CAPN13: variants seen among roughly 807,000 people sequenced by gnomAD.
CAPN13 encodes calpain-13.
CAPN13 carries 90 observed loss-of-function variants against 98.4 expected under a neutral mutation model. That is an observed-to-expected ratio of 0.92 (90% CI 0.77 to 1.09). CAPN13 has a LOEUF of 1.09. Among genes scored for constraint, CAPN13 ranks in the 50% least tolerant of loss-of-function variants. The pLI, the probability that CAPN13 is intolerant of heterozygous loss-of-function variation, is 0.00. For synonymous variants in CAPN13, 330 were observed against 305.5 expected (o/e 1.08, Z -0.84); for missense variants, 887 against 841.3 (o/e 1.05, Z -0.67).
At chr2:30,799,439 G>A (rs941001375) in intron 1 of CAPN13, among the ~76,000 whole-genome samples, 2 of 152,178 alleles carry the variant, frequency 1.3e-5, no homozygotes, top group African/African-American at 4.8e-5. Context: ...ACCATGGTGG[G>A]ATTAGTGGCC....
intron 4 of CAPN13, among the ~76,000 whole-genome samples, chr2:30,774,586 G>A (rs750125203): frequency 1.3e-5 from 2 of 152,052 alleles, no homozygotes; most frequent in South Asian, 2.1e-4. Flanking sequence ...TTTTCTAGTC[G>A]AGTATAAATT....
chr2:30,765,405 C>T (rs761146394), intron 5 of CAPN13, among the ~76,000 whole-genome samples: 29 of 152,182 alleles, frequency 1.9e-4, no homozygotes, highest in Non-Finnish European at 4.1e-4. Flanking sequence ...CGTTCCTGTC[C>T]CCGGTGAGCA....
chr2:30,759,143 T>C, intron 7 of CAPN13, among the ~76,000 whole-genome samples: 2 of 50,010 alleles, frequency 4.0e-5, no homozygotes, highest in Non-Finnish European at 4.1e-5. Context: ...TCCTCCCTCT[T>C]CCCCTTCCTT....
chr2:30,738,740 G>T (rs891495714), intron 15 of CAPN13, among the ~76,000 whole-genome samples: 5 of 152,148 alleles, frequency 3.3e-5, no homozygotes, highest in African/African-American at 1.2e-4. Flanking sequence ...TTTAGTCCTT[G>T]CCACTATCTC....
rs60572949 is a variant in CAPN13, at chr2:30,802,463, ATGTG to A, written c.-33+4835_-33+4838del. Among the ~76,000 whole-genome samples, 1,398 of 140,162 alleles carry A rather than the reference ATGTG, an allele frequency of 1.0e-2. 9 individuals carry two copies. The highest frequency in any genetic ancestry group is 0.028 in the African/African-American group (1,071 of 37,790). The allele number at this position is 140,162 out of a possible 152,430, so 92.0% of individuals were successfully genotyped here. ...AGGAGCTTAGAATGTGTGTGTGTGT[ATGTG>A]TGTGTGTGTGTGTGTGTGTGTAAAT... On this transcript the variant is annotated intron_variant, in intron 1 of 22. Coordinates refer to ENST00000295055, the MANE Select transcript of CAPN13 (RefSeq NM_144575.3).
rs1210819237 is a variant in CAPN13 at position 30,751,257 on chromosome 2, T to A, written c.1088-6A>T. 2 of 1,613,636 alleles carry A rather than the reference T, an allele frequency of 1.2e-6. No homozygotes were observed. Among genetic ancestry groups the A allele is most frequent in the African/African-American group, 1.3e-5 (1 of 75,010 alleles). On this transcript the variant is annotated splice_polypyrimidine_tract_variant and splice_region_variant and intron_variant, in intron 10 of 22. Coordinates refer to ENST00000295055, the MANE Select transcript of CAPN13 (RefSeq NM_144575.3). ...AGCATCATTCCGAGGTCCTCCTGCA[T>A]CAGAAAGAGCTGTTACTAGAGCTCA...
intron 4 of CAPN13, 70 bp downstream of exon 4, chr2:30,775,860 T>G (rs1673659647): frequency 8.9e-7 from 1 of 1,126,744 alleles, no homozygotes; most frequent in Non-Finnish European, 1.2e-6. Flanking sequence ...CGAGAAAACT[T>G]AAGACTTTCA....
At position 30,732,576 on chromosome 2, in the gene CAPN13, C is replaced by G; in HGVS notation, c.1799-10G>C. ...ATCCCTCTGAGGAAGTCTGGGGCCACAGGTGAACGAGTGAGTGAGAGGAGG... is the reference window on the plus strand; with the variant it reads ...ATCCCTCTGAGGAAGTCTGGGGCCAGAGGTGAACGAGTGAGTGAGAGGAGG... On this transcript the variant is annotated splice_polypyrimidine_tract_variant and intron_variant, in intron 19 of 22. Transcript: ENST00000295055. The G allele has an allele frequency of 6.2e-7, 1 of 1,603,982 alleles. No individual in the cohort carries two copies. The highest frequency in any genetic ancestry group is 1.3e-5 in the African/African-American group (1 of 74,920).
intron 7 of CAPN13, among the ~76,000 whole-genome samples, chr2:30,760,988 A>G (rs1672823435): frequency 6.6e-6 from 1 of 152,248 alleles, no homozygotes; most frequent in African/African-American, 2.4e-5. Context: ...TGCCAGTTCC[A>G]CTGGCCATTA....
intron 1 of CAPN13, among the ~76,000 whole-genome samples, chr2:30,787,575 G>C (rs934187410): frequency 2.0e-5 from 3 of 152,178 alleles, no homozygotes; most frequent in African/African-American, 7.2e-5. Flanking sequence ...CAGCTTTCCC[G>C]TGTGCTTTCA....
chr2:30,778,184 G>A (rs1257089687), intron 2 of CAPN13, among the ~76,000 whole-genome samples: 3 of 152,120 alleles, frequency 2.0e-5, no homozygotes, highest in East Asian at 1.9e-4. Context: ...CTCACAGACC[G>A]GGTCTGGAAG....
rs775558641 is a variant in CAPN13 at position 30,731,523 on chromosome 2, C to T, written c.1928-124G>A. ...TTCTGTAAAGCAGCCCCTCCTGCTC[C>T]GCGGGGTGTGCCTGTCACCCATCCT... On this transcript the variant is annotated intron_variant, in intron 20 of 22. Transcript: ENST00000295055. 3.1e-4 allele frequency: 232 copies of T among 755,416 alleles called. 1 individual carries two copies. The highest frequency in any genetic ancestry group is 2.0e-3 in the Admixed American group (63 of 31,236). The allele number at this position is 755,416 out of a possible 1,614,324, so 46.8% of individuals were successfully genotyped here. A position where few individuals can be genotyped will look rare whatever the true frequency, so the allele number is the denominator to read the frequency against.
intron 7 of CAPN13, among the ~76,000 whole-genome samples, chr2:30,760,364 A>G (rs145961962): frequency 1.4e-4 from 21 of 152,300 alleles, no homozygotes; most frequent in African/African-American, 4.1e-4. Flanking sequence ...GACACAAGCA[A>G]TGGTCACTTG....
chr2:30,742,300 C>G (rs746789453), intron 14 of CAPN13, 26 bp downstream of exon 14: 3 of 1,595,468 alleles, frequency 1.9e-6, no homozygotes, highest in Non-Finnish European at 2.6e-6. Flanking sequence ...ATGAGGCTCG[C>G]CAGCCAAACC....
intron 19 of CAPN13, 81 bp downstream of exon 19, chr2:30,734,368 T>A (rs1299411277): frequency 9.3e-7 from 1 of 1,075,168 alleles, no homozygotes; most frequent in Non-Finnish European, 1.4e-6. Flanking sequence ...GGCACTGTTG[T>A]GCCAGCCTTG....
chr2:30,727,826 A>C (rs1670912435), intron 22 of CAPN13, among the ~76,000 whole-genome samples: 2 of 152,288 alleles, frequency 1.3e-5, no homozygotes, highest in Admixed American at 1.3e-4. Context: ...TTGAAATAAA[A>C]ACATATGTCC....
At position 30,770,310 on chromosome 2, in the gene CAPN13, T is replaced by TA; in HGVS notation, c.524+2dup. ...GGCTGATGGGTGGCGGGGTTGTACT[T>TA]ACTTGGCATAGGCCTTCTCCAGCAG... On this transcript the variant is annotated splice_region_variant and intron_variant, in intron 5 of 22. Transcript: ENST00000295055. 6.2e-7 allele frequency: 1 copy of TA among 1,613,526 alleles called. No individual in the cohort carries two copies. Among genetic ancestry groups the TA allele is most frequent in the Non-Finnish European group, 8.5e-7 (1 of 1,179,616 alleles).
intron 2 of CAPN13, among the ~76,000 whole-genome samples, chr2:30,784,751 T>C (rs1395971168): frequency 6.6e-6 from 1 of 152,208 alleles, no homozygotes; most frequent in African/African-American, 2.4e-5. Flanking sequence ...TCTAACTATA[T>C]GACTTTGGGC....
rs566170644 is a variant in CAPN13 at position 30,739,346 on chromosome 2, C to A, written c.1537-889G>T. 2.0e-5 allele frequency among the ~76,000 whole-genome samples: 3 copies of A among 152,134 alleles called. No individual in the cohort carries two copies. The South Asian group carries it at 6.2e-4, about 32-fold the overall frequency. On this transcript the variant is annotated intron_variant, in intron 15 of 22. Transcript: ENST00000295055. The stretch of plus-strand genomic sequence containing the variant: ...GGCACTGGTCATGTAGAATAGGGTG[C>A]CTCCTGGGGGTCTTCTGAGAATGAG...
Sources: allele counts gnomAD v4.1 joint callset (sites outside exome capture counted in the v4.1 genomes callset), GRCh38; gene constraint gnomAD v4.1.1; transcripts MANE v1.5; gene names NCBI Gene and HGNC (gene_info 2026-07-23, HGNC 2026-07-21).